SETD3: variants seen among roughly 807,000 people sequenced by gnomAD.
SETD3 encodes the protein SET domain containing 3, actin N3(tau)-histidine methyltransferase, also known as actin-histidine N-methyltransferase.
A neutral mutation model predicts 63.0 loss-of-function variants in SETD3; 19 were observed. That is an observed-to-expected ratio of 0.30 (90% CI 0.21 to 0.44). The LOEUF is 0.44. Among genes scored for constraint, SETD3 ranks in the 20% least tolerant of loss-of-function variants. The pLI, the probability that SETD3 is intolerant of heterozygous loss-of-function variation, is 1.00. For synonymous variants in SETD3, 286 were observed against 264.1 expected, an observed-to-expected ratio of 1.08 and a Z score of -0.80; for missense variants, 587 against 728.5, an observed-to-expected ratio of 0.81 and a Z score of 2.24.
chr14:99,458,549 G>C lies in SETD3; in HGVS notation c.419-14C>G. The C allele has an allele frequency of 6.2e-7, 1 of 1,605,612 alleles. No homozygotes were observed. The highest frequency in any genetic ancestry group is 8.5e-7 in the Non-Finnish European group (1 of 1,175,802). On this transcript the variant is annotated splice_polypyrimidine_tract_variant and intron_variant, in intron 5 of 12. Coordinates refer to ENST00000331768, the MANE Select transcript of SETD3 (RefSeq NM_032233.3). The stretch of plus-strand genomic sequence containing the variant: ...AATATAAGGGCCCTGAATTAACCCA[G>C]AAGTTAACAGCGTAAGTTCCACAAA...
At chr14:99,400,319 A>G in intron 11 of SETD3, 60 bp from the exon 12 acceptor site, 1 of 1,511,994 alleles carries the variant, frequency 6.6e-7, no homozygotes, top group South Asian at 1.2e-5. Flanking sequence ...TCATTTGAAC[A>G]AGCAATCTAC....
intron 6 of SETD3, among the ~76,000 whole-genome samples, chr14:99,419,945 G>A (rs935022881): frequency 3.9e-5 from 6 of 152,182 alleles, no homozygotes; most frequent in Non-Finnish European, 8.8e-5. Flanking sequence ...GTTAAGACTA[G>A]AAATTCATTC....
At chr14:99,427,004 C>T (rs895912960) in intron 6 of SETD3, among the ~76,000 whole-genome samples, 1 of 152,150 alleles carries the variant, frequency 6.6e-6, no homozygotes, top group Admixed American at 6.5e-5. Flanking sequence ...GAGAAGCAGG[C>T]GGTGATGTCA....
chr14:99,457,922 C>T (rs1178887412), intron 6 of SETD3, among the ~76,000 whole-genome samples: 2 of 151,978 alleles, frequency 1.3e-5, no homozygotes, highest in South Asian at 2.1e-4. Context: ...AAAAATTAAC[C>T]CTCATTTTCT....
At chr14:99,413,986 C>T in intron 6 of SETD3, 52 bp from the exon 7 acceptor site, 1 of 1,501,696 alleles carries the variant, frequency 6.7e-7, no homozygotes, top group Non-Finnish European at 9.3e-7. Context: ...AAAGGGAAAA[C>T]AGAAATCAGT....
At chr14:99,459,465 G>A (rs1894948652) in intron 4 of SETD3, among the ~76,000 whole-genome samples, 1 of 152,202 alleles carries the variant, frequency 6.6e-6, no homozygotes. Flanking sequence ...TTAACCTGAA[G>A]CAAATATAAC....
intron 6 of SETD3, among the ~76,000 whole-genome samples, chr14:99,433,448 T>G (rs1262707496): frequency 6.6e-6 from 1 of 152,100 alleles, no homozygotes; most frequent in Non-Finnish European, 1.5e-5. Context: ...AAAAGTTCTT[T>G]TTTTTTTGAG....
intron 6 of SETD3, among the ~76,000 whole-genome samples, chr14:99,437,451 A>G (rs546617527): frequency 6.6e-6 from 1 of 152,190 alleles, no homozygotes; most frequent in Non-Finnish European, 1.5e-5. Flanking sequence ...CAACCCCTCA[A>G]TGTGATTACA....
chr14:99,420,500 G>T (rs1892527079), intron 6 of SETD3, among the ~76,000 whole-genome samples: 1 of 152,112 alleles, frequency 6.6e-6, no homozygotes, highest in Non-Finnish European at 1.5e-5. Context: ...CTGCACCAGG[G>T]ACTGGCAACC....
chr14:99,405,242 T>A lies in SETD3; in HGVS notation c.1054A>T (p.Met352Leu). 6.2e-7 allele frequency: 1 copy of A among 1,613,976 alleles called. No homozygotes were observed. The highest frequency in any genetic ancestry group is 8.5e-7 in the Non-Finnish European group (1 of 1,179,946). The change falls in exon 10 of 13, where the codon ATG (methionine) becomes TTG (leucine). Residue 352 changes from methionine to leucine, a missense_variant. Coordinates refer to ENST00000331768, the MANE Select transcript of SETD3 (RefSeq NM_032233.3). ...GCACGAGCCAAGACCTCGGCCTTCA[T>A]GGCGTAGAGTCTGTCACTTTTACTC... is the stretch of plus-strand genomic sequence containing the variant. ...GVSKSDRLYA[M>L]KAEVLARAGI...
chr14:99,417,132 A>T (rs1161182196), intron 6 of SETD3, among the ~76,000 whole-genome samples: 1 of 152,240 alleles, frequency 6.6e-6, no homozygotes. Flanking sequence ...AGCATATTTG[A>T]TCCTTATTAA....
chr14:99,428,942 C>T (rs542685065), intron 6 of SETD3, among the ~76,000 whole-genome samples: 1 of 152,242 alleles, frequency 6.6e-6, no homozygotes, highest in East Asian at 1.9e-4. Context: ...CCATGCCTGC[C>T]TTTCTGACCC....
intron 6 of SETD3, among the ~76,000 whole-genome samples, chr14:99,450,621 G>A (rs988457119): frequency 3.9e-5 from 6 of 152,204 alleles, no homozygotes; most frequent in African/African-American, 1.2e-4. Flanking sequence ...GCATAAGGCA[G>A]GAAAAGGGGG....
At chr14:99,468,287 C>T (rs1281365674) in intron 1 of SETD3, among the ~76,000 whole-genome samples, 3 of 152,124 alleles carry the variant, frequency 2.0e-5, no homozygotes, top group Non-Finnish European at 4.4e-5. Flanking sequence ...GCCACTTCCT[C>T]CTGCACCTCC....
intron 1 of SETD3, among the ~76,000 whole-genome samples, chr14:99,477,806 A>G (rs924624801): frequency 3.3e-5 from 5 of 150,710 alleles, no homozygotes; most frequent in Non-Finnish European, 5.9e-5. Context: ...ATATTAATAT[A>G]TATTAATATT....
intron 8 of SETD3, among the ~76,000 whole-genome samples, chr14:99,407,437 T>C (rs938520058): frequency 3.3e-5 from 5 of 152,216 alleles, no homozygotes; most frequent in African/African-American, 4.8e-5. Context: ...CTCACCTAGC[T>C]TGTTATTTGC....
intron 6 of SETD3, among the ~76,000 whole-genome samples, chr14:99,435,213 A>G (rs2139701685): frequency 8.1e-6 from 1 of 123,050 alleles, no homozygotes; most frequent in African/African-American, 3.4e-5. Flanking sequence ...ATAATGCTCA[A>G]TGTTTGGAAG....
chr14:99,417,431 T>C (rs912103479), intron 6 of SETD3, among the ~76,000 whole-genome samples: 1 of 152,270 alleles, frequency 6.6e-6, no homozygotes, highest in Non-Finnish European at 1.5e-5. Context: ...TTTGATGTAC[T>C]ATCTTGACAT....
chr14:99,465,686 C>A lies in SETD3; in HGVS notation c.103+17G>T. On this transcript the variant is annotated intron_variant, in intron 2 of 12. Transcript: ENST00000331768. Reference sequence around the variant, plus strand: ...AGCCACCACATCAAGGCAGGGAGAGCCCAGAGGAGGACTTACTCTGCAGCA... The same window carrying A: ...AGCCACCACATCAAGGCAGGGAGAGACCAGAGGAGGACTTACTCTGCAGCA... 6.2e-7 allele frequency: 1 copy of A among 1,600,568 alleles called. No homozygotes were observed. Among genetic ancestry groups the A allele is most frequent in the Non-Finnish European group, 8.6e-7 (1 of 1,168,386 alleles).
Sources: allele counts gnomAD v4.1 joint callset (sites outside exome capture counted in the v4.1 genomes callset), GRCh38; gene constraint gnomAD v4.1.1; transcripts MANE v1.5; gene names NCBI Gene and HGNC (gene_info 2026-07-23, HGNC 2026-07-21).